YIPF1: variants seen among roughly 807,000 people sequenced by gnomAD.
The protein encoded by YIPF1 is Yip1 domain family member 1.
A neutral mutation model predicts 37.0 loss-of-function variants in YIPF1; 22 were observed. The ratio of observed to expected loss-of-function variants is 0.59; its 90% confidence interval spans 0.42 to 0.85. The LOEUF (loss-of-function observed/expected upper bound fraction) is 0.85. Ranked by LOEUF, YIPF1 falls within the 40% of genes least tolerant of loss-of-function variation. The pLI, the probability that YIPF1 is intolerant of heterozygous loss-of-function variation, is 0.00. For synonymous variants in YIPF1, 128 were observed against 131.9 expected (o/e 0.97, Z 0.21); for missense variants, 355 against 373.1 (o/e 0.95, Z 0.40).
At position 53,870,160 on chromosome 1, in the gene YIPF1, C is replaced by CTTTTTTTTTTT. The variant is rs753978320; in HGVS notation, c.481+1201_481+1211dup. Among the ~76,000 whole-genome samples, 16 of 91,214 alleles carry CTTTTTTTTTTT rather than the reference C, an allele frequency of 1.8e-4. 1 individual carries two copies. The highest frequency in any genetic ancestry group is 7.1e-4 in the African/African-American group (16 of 22,614). 59.8% of individuals were successfully genotyped at this position (91,214 alleles called of 152,430 possible). ...AGGCTTGAGCCACCGCACCGGGTCT[C>CTTTTTTTTTTT]TTTTTTTTTTTTTTTTTTTTTTTTT... On this transcript the variant is annotated intron_variant, in intron 7 of 10. Transcript: ENST00000072644.
chr1:53,881,661 A>G (rs1428121671), intron 4 of YIPF1, among the ~76,000 whole-genome samples: 3 of 152,252 alleles, frequency 2.0e-5, no homozygotes, highest in Non-Finnish European at 4.4e-5. Flanking sequence ...ACAATGAGAC[A>G]CCATATCATG....
chr1:53,873,336 G>A (rs1435436424), intron 6 of YIPF1, among the ~76,000 whole-genome samples: 1 of 152,184 alleles, frequency 6.6e-6, no homozygotes, highest in South Asian at 2.1e-4. Flanking sequence ...TTCACCAAGT[G>A]AGGACAGAAG....
intron 2 of YIPF1, 84 bp from the exon 3 acceptor site, chr1:53,889,070 C>T (rs981918397): frequency 1.0e-5 from 7 of 678,690 alleles, no homozygotes; most frequent in Non-Finnish European, 1.8e-5. Context: ...AATGGTATCA[C>T]TTTCCCTTGC....
At chr1:53,869,872 C>CCT (rs1557605642) in intron 7 of YIPF1, among the ~76,000 whole-genome samples, 5 of 125,866 alleles carry the variant, frequency 4.0e-5, no homozygotes, top group African/African-American at 1.5e-4. Context: ...TTTCTCCCCG[C>CCT]TTTTTTTTTT....
At chr1:53,884,560 T>C (rs1450292484) in intron 3 of YIPF1, among the ~76,000 whole-genome samples, 1 of 152,198 alleles carries the variant, frequency 6.6e-6, no homozygotes, top group Non-Finnish European at 1.5e-5. Flanking sequence ...CAATGAAGGT[T>C]TTCTTACAAA....
chr1:53,862,402 C>T (rs1006597473), intron 9 of YIPF1, among the ~76,000 whole-genome samples: 3 of 152,156 alleles, frequency 2.0e-5, no homozygotes, highest in Admixed American at 2.0e-4. Context: ...AGCAGGTTCT[C>T]TGTGAGTAGG....
chr1:53,862,324 C>T (rs1315871186), intron 9 of YIPF1, among the ~76,000 whole-genome samples: 1 of 152,164 alleles, frequency 6.6e-6, no homozygotes, highest in Non-Finnish European at 1.5e-5. Flanking sequence ...TCCAACACTT[C>T]CTGCAATTTG....
intron 3 of YIPF1, chr1:53,886,825 G>A (rs1352314092): frequency 1.3e-5 from 2 of 151,988 alleles, no homozygotes; most frequent in Non-Finnish European, 2.9e-5. Flanking sequence ...GGCTGAGGAG[G>A]GTCTCTCTAA....
intron 9 of YIPF1, among the ~76,000 whole-genome samples, chr1:53,864,509 T>C (rs1291350487): frequency 6.6e-6 from 1 of 152,248 alleles, no homozygotes; most frequent in Non-Finnish European, 1.5e-5. Context: ...ATTAATCTAA[T>C]GAAATTCTAA....
chr1:53,868,002 T>G (rs1359963917), intron 7 of YIPF1, among the ~76,000 whole-genome samples: 1 of 152,152 alleles, frequency 6.6e-6, no homozygotes. Context: ...CCTTTCTACA[T>G]GAAAATCAGT....
chr1:53,871,568 T>C, intron 6 of YIPF1, 80 bp from the exon 7 acceptor site: 1 of 1,151,614 alleles, frequency 8.7e-7, no homozygotes, highest in Non-Finnish European at 1.3e-6. Context: ...CTTATCTTCC[T>C]CTTGTATTCA....
At chr1:53,882,499 C>T (rs531917655) in intron 4 of YIPF1, among the ~76,000 whole-genome samples, 8 of 151,550 alleles carry the variant, frequency 5.3e-5, no homozygotes, top group African/African-American at 1.9e-4. Flanking sequence ...ACTCTGTTGC[C>T]GAGGCTGGAG....
rs1650194450 is a variant in YIPF1, at chr1:53,871,609, G to A, written c.365-121C>T. 3.6e-6 allele frequency: 3 copies of A among 839,088 alleles called. No homozygotes were observed. The South Asian group carries it at 5.3e-5, about 15-fold the overall frequency. The allele number at this position is 839,088 out of a possible 1,614,324, so 52.0% of individuals were successfully genotyped here. A position where few individuals can be genotyped will look rare whatever the true frequency, so the allele number is the denominator to read the frequency against. ...GCAAAAGAAAATGAATTTTCTAGAT[G>A]GGATCAACACTTGCTGAAGGGAAAT... On this transcript the variant is annotated intron_variant, in intron 6 of 10. Transcript: ENST00000072644.
intron 10 of YIPF1, among the ~76,000 whole-genome samples, chr1:53,855,770 T>C (rs1649703790): frequency 6.6e-6 from 1 of 152,210 alleles, no homozygotes; most frequent in Admixed American, 6.5e-5. Context: ...GGCACAATGA[T>C]GAAACTGCCT....
intron 9 of YIPF1, among the ~76,000 whole-genome samples, chr1:53,862,830 G>T (rs1020807852): frequency 6.6e-6 from 1 of 152,140 alleles, no homozygotes; most frequent in Non-Finnish European, 1.5e-5. Context: ...TGGCATGCAC[G>T]ATCGGCCCCT....
intron 8 of YIPF1, 124 bp from the exon 9 acceptor site, chr1:53,866,506 C>T: frequency 9.0e-7 from 1 of 1,115,920 alleles, no homozygotes; most frequent in East Asian, 2.6e-5. Flanking sequence ...TCTGGTTTTT[C>T]AGTACAGGCT....
rs1444901617 is a variant in YIPF1 at position 53,866,935 on chromosome 1, C to G, written c.482-11G>C. On this transcript the variant is annotated splice_polypyrimidine_tract_variant and intron_variant, in intron 7 of 10. Transcript: ENST00000072644. ...TAGCTGCTATGGACACTGAGGATGA[C>G]AGGACACAAGTTTCAATCTCCATCA... 1.2e-5 allele frequency: 19 copies of G among 1,601,918 alleles called. No homozygotes were observed. Among genetic ancestry groups the G allele is most frequent in the African/African-American group, 2.7e-5 (2 of 74,424 alleles).
intron 6 of YIPF1, among the ~76,000 whole-genome samples, chr1:53,874,485 G>A (rs903734772): frequency 1.2e-4 from 18 of 152,054 alleles, no homozygotes; most frequent in African/African-American, 4.4e-4. Flanking sequence ...AATATTTTTA[G>A]GCCGGGCATG....
rs2316323 is a variant in YIPF1 at position 53,857,850 on chromosome 1, G to A, written c.*8+2206C>T. ...CAAAACATTAGCCAGGTGTGGTGAC[G>A]GGCACCTGTAATCTCAGCTACTTGG... On this transcript the variant is annotated intron_variant, in intron 10 of 10. Transcript: ENST00000072644. Among the ~76,000 whole-genome samples the A allele has an allele frequency of 3.6e-3, 541 of 151,980 alleles. 3 individuals carry two copies. Among genetic ancestry groups the A allele is most frequent in the African/African-American group, 0.012 (503 of 41,482 alleles).
Sources: gnomAD v4.1 joint callset for allele counts (sites outside exome capture counted in the v4.1 genomes callset) on GRCh38, gnomAD v4.1.1 for gene constraint, MANE v1.5 for transcripts, NCBI Gene and HGNC (gene_info 2026-07-23, HGNC 2026-07-21) for gene names.